Variants in LPCAT1 observed in about 807,000 individuals in gnomAD.
The protein encoded by LPCAT1 is 1-acylglycerol-3-phosphate O-acyltransferase.
A neutral mutation model predicts 60.9 loss-of-function variants in LPCAT1; 23 were observed. The ratio of observed to expected loss-of-function variants is 0.38; its 90% CI spans 0.27 to 0.53. The LOEUF (loss-of-function observed/expected upper bound fraction) is 0.53. LPCAT1 is among the 20% of genes least tolerant of loss of function. The pLI, the probability that LPCAT1 is intolerant of heterozygous loss-of-function variation, is 0.82. For missense variants in LPCAT1, 622 were observed against 723.6 expected, an observed-to-expected ratio of 0.86 and a Z score of 1.61; for synonymous variants, 340 against 301.1, an observed-to-expected ratio of 1.13 and a Z score of -1.34.
Position 1,481,748 on chromosome 5 carries a change from G to A in LPCAT1, c.727-772C>T, listed in dbSNP as rs532039846. Among the ~76,000 whole-genome samples, 12 of 152,388 alleles carry A rather than the reference G, an allele frequency of 7.9e-5. No homozygotes were observed. The East Asian group carries it at 1.2e-3, about 15-fold the overall frequency. ...GGAGTTGCACTGGGGCATGGTTTCC[G>A]CAGCGGAGGCAGGAAGGGGCCCTTG... On this transcript the variant is annotated intron_variant, in intron 6 of 13. Transcript: ENST00000283415. This position sits in a 1 kb window ranked among gnomAD's most constrained non-coding sequence, Gnocchi z 7.8.
Position 1,483,461 on chromosome 5 carries a change from G to C in LPCAT1, c.693C>G (p.Val231=), listed in dbSNP as rs946967059. The change falls in exon 6 of 14, where the codon GTC becomes GTG. Residue 231 remains valine, a synonymous_variant. Coordinates refer to ENST00000283415, the MANE Select transcript of LPCAT1 (RefSeq NM_024830.5). This position sits in a 1 kb window ranked among gnomAD's most constrained non-coding sequence, Gnocchi z 9.2. ...KPGAFIPGAP[V]QPVVLRYPNK... is the part of the protein sequence containing the mutation. ...TTGGATATCGTAAAACCACAGGCTGGACGGGCGCTCCAGGGATGAATGCAC... is the reference window on the plus strand; with the variant it reads ...TTGGATATCGTAAAACCACAGGCTGCACGGGCGCTCCAGGGATGAATGCAC... The C allele has an allele frequency of 1.2e-6, 2 of 1,613,632 alleles. No homozygotes were observed. The highest frequency in any genetic ancestry group is 2.7e-5 in the African/African-American group (2 of 74,934).
chr5:1,510,323 C>A (rs1736319012), intron 1 of LPCAT1, among the ~76,000 whole-genome samples: 1 of 152,234 alleles, frequency 6.6e-6, no homozygotes, highest in Non-Finnish European at 1.5e-5. Context: ...TGAACTATTT[C>A]TTTGCAAACC....
rs1203432237 is a variant in LPCAT1, at chr5:1,483,574, G to C, written c.668-88C>G. Reference sequence around the variant, plus strand: ...TTCTCATGCTGCCCTTGGGATAAAAGTGAGCTTTTCTGTCTAGGCCTTCCT... The same window carrying C: ...TTCTCATGCTGCCCTTGGGATAAAACTGAGCTTTTCTGTCTAGGCCTTCCT... On this transcript the variant is annotated intron_variant, in intron 5 of 13. Transcript: ENST00000283415. This position sits in a 1 kb window ranked among gnomAD's most constrained non-coding sequence, Gnocchi z 9.2. 3.5e-6 allele frequency: 5 copies of C among 1,426,260 alleles called. No homozygotes were observed. The South Asian group carries it at 4.9e-5, about 14-fold the overall frequency. The allele number at this position is 1,426,260 out of a possible 1,614,324, so 88.4% of individuals were successfully genotyped here.
At chr5:1,490,666 C>G (rs930488208) in intron 3 of LPCAT1, among the ~76,000 whole-genome samples, 3 of 152,218 alleles carry the variant, frequency 2.0e-5, no homozygotes, top group African/African-American at 7.2e-5. Flanking sequence ...CCACAGCCTC[C>G]TGGAAGTTGC....
intron 11 of LPCAT1, among the ~76,000 whole-genome samples, chr5:1,471,366 G>A (rs905476206): frequency 2.0e-5 from 3 of 152,242 alleles, no homozygotes; most frequent in African/African-American, 7.2e-5. Context: ...AGCTGTGGAA[G>A]CCAGTCAGCC....
intron 2 of LPCAT1, among the ~76,000 whole-genome samples, chr5:1,500,244 T>C (rs770857704): frequency 2.0e-5 from 3 of 152,376 alleles, no homozygotes; most frequent in African/African-American, 4.8e-5. Context: ...GCTGTGGTTA[T>C]AGGACACGCG....
At chr5:1,494,616 G>A in intron 3 of LPCAT1, 84 bp downstream of exon 3, 1 of 1,284,302 alleles carries the variant, frequency 7.8e-7, no homozygotes, top group Non-Finnish European at 1.1e-6. Context: ...AGCAGGAGGG[G>A]AATCTCTTAT....
At position 1,521,283 on chromosome 5, in the gene LPCAT1, A is replaced by G. The variant is rs1736670012; in HGVS notation, c.135+2427T>C. On this transcript the variant is annotated intron_variant, in intron 1 of 13. Coordinates refer to ENST00000283415, the MANE Select transcript of LPCAT1 (RefSeq NM_024830.5). This position sits in a 1 kb window ranked among gnomAD's most constrained non-coding sequence, Gnocchi z 4.3. ...GAGGAGGTGTCCCCGCATGGCGCTA[A>G]TCCGAAGACACACAGCAGCCCCTCC... The G allele has an allele frequency of 1.0e-6, 1 of 975,620 alleles. No individual in the cohort carries two copies. The highest frequency in any genetic ancestry group is 4.7e-5 in the South Asian group (1 of 21,098). 60.4% of individuals were successfully genotyped at this position (975,620 alleles called of 1,614,324 possible).
chr5:1,515,352 C>T (rs536131265), intron 1 of LPCAT1, among the ~76,000 whole-genome samples: 32 of 152,228 alleles, frequency 2.1e-4, no homozygotes, highest in African/African-American at 7.2e-4. Flanking sequence ...TACAGGGAGC[C>T]CCCCAGCACA....
At position 1,496,310 on chromosome 5, in the gene LPCAT1, G is replaced by A. The variant is rs775789743; in HGVS notation, c.279-1396C>T. Among the ~76,000 whole-genome samples the A allele has an allele frequency of 5.6e-4, 85 of 151,988 alleles. No individual in the cohort carries two copies. Among genetic ancestry groups the A allele is most frequent in the Middle Eastern group, 3.4e-3 (1 of 294 alleles). The stretch of plus-strand genomic sequence containing the variant: ...CAAGGGGCGGAGGTTGCAGTGAGCC[G>A]AGATTGCGCCACTGCACTCCAGCCT... On this transcript the variant is annotated intron_variant, in intron 2 of 13. Coordinates refer to ENST00000283415, the MANE Select transcript of LPCAT1 (RefSeq NM_024830.5). The surrounding 1 kb of genome is among the most constrained non-coding windows in gnomAD (Gnocchi z 4.7).
chr5:1,467,028 G>A, intron 12 of LPCAT1, 138 bp from the exon 13 acceptor site: 1 of 898,012 alleles, frequency 1.1e-6, no homozygotes, highest in Non-Finnish European at 1.5e-6. Context: ...GGACACGGGG[G>A]ACTCGAACTT....
chr5:1,501,711 G>T, intron 1 of LPCAT1, 108 bp from the exon 2 acceptor site: 3 of 1,138,046 alleles, frequency 2.6e-6, no homozygotes, highest in Non-Finnish European at 3.9e-6. Context: ...AGAGTGGAGA[G>T]CTGGGGAGGG....
intron 13 of LPCAT1, 46 bp downstream of exon 13, chr5:1,466,703 C>T (rs1446332492): frequency 3.8e-6 from 6 of 1,581,784 alleles, no homozygotes; most frequent in Non-Finnish European, 3.5e-6. Context: ...CTCTGTCCAG[C>T]CCCCGCCCAA....
chr5:1,508,243 G>A (rs1335141551), intron 1 of LPCAT1, among the ~76,000 whole-genome samples: 1 of 152,206 alleles, frequency 6.6e-6, no homozygotes, highest in Non-Finnish European at 1.5e-5. Flanking sequence ...GTCATTCTCC[G>A]GGCTGGGGGA....
At chr5:1,479,733 T>A in intron 7 of LPCAT1, 58 bp from the exon 8 acceptor site, 2 of 1,331,598 alleles carry the variant, frequency 1.5e-6, no homozygotes, top group Non-Finnish European at 2.1e-6. Context: ...ACAAGTAAAT[T>A]ACTCCCAATT....
chr5:1,513,598 G>T (rs150370935), intron 1 of LPCAT1, among the ~76,000 whole-genome samples: 2 of 152,230 alleles, frequency 1.3e-5, no homozygotes, highest in Non-Finnish European at 2.9e-5. Flanking sequence ...GGTTACACCT[G>T]ACCCATTTCC....
chr5:1,500,185 C>G (rs1579800478), intron 2 of LPCAT1, among the ~76,000 whole-genome samples: 1 of 152,306 alleles, frequency 6.6e-6, no homozygotes, highest in South Asian at 2.1e-4. Flanking sequence ...TTCAGGGAGC[C>G]CCTCCAGAAT....
At chr5:1,474,212 G>GT in intron 10 of LPCAT1, 102 bp from the exon 11 acceptor site, 1 of 1,268,678 alleles carries the variant, frequency 7.9e-7, no homozygotes, top group South Asian at 1.4e-5. Flanking sequence ...ATTGACAGAA[G>GT]TAGCAGCAAG....
chr5:1,476,832 G>A lies in LPCAT1; in HGVS notation c.899+572C>T, dbSNP rs1398289710. ...GGAGGGCGTGTGAGCTGACGACACC[G>A]AGGGAGGGAGAGGGGGAGGGCGTGT... On this transcript the variant is annotated intron_variant, in intron 9 of 13. Transcript: ENST00000283415. The surrounding 1 kb of genome is among the most constrained non-coding windows in gnomAD (Gnocchi z 8.6). Among the ~76,000 whole-genome samples, 1 of 148,414 alleles carries A rather than the reference G, an allele frequency of 6.7e-6. No homozygotes were observed. Among genetic ancestry groups the A allele is most frequent in the Non-Finnish European group, 1.5e-5 (1 of 67,914 alleles).
Sources: gnomAD v4.1 joint callset for allele counts (sites outside exome capture counted in the v4.1 genomes callset) on GRCh38, gnomAD v4.1.1 for gene constraint, Gnocchi (gnomAD v3.1) non-coding constraint, MANE v1.5 for transcripts, NCBI Gene and HGNC (gene_info 2026-07-23, HGNC 2026-07-21) for gene names.